The following TRIM2 variants were observed in gnomAD, a reference collection of about 807,000 sequenced individuals.
TRIM2 encodes tripartite motif-containing protein 2.
In TRIM2, 20 loss-of-function variants were observed where a neutral mutation model predicts 75.2. That is an observed-to-expected ratio of 0.27 (90% CI 0.19 to 0.39). The LOEUF (loss-of-function observed/expected upper bound fraction) is 0.39, where lower values mean the gene tolerates loss of function less well. TRIM2 is among the 10% of genes least tolerant of loss of function. The pLI, the probability that TRIM2 is intolerant of heterozygous loss-of-function variation, is 1.00. For missense variants in TRIM2, 660 were observed against 990.8 expected, an observed-to-expected ratio of 0.67 and a Z score of 4.48; for synonymous variants, 373 against 388.3, an observed-to-expected ratio of 0.96 and a Z score of 0.46.
chr4:153,305,732 A>G (rs1579534242), intron 6 of TRIM2, among the ~76,000 whole-genome samples: 1 of 152,270 alleles, frequency 6.6e-6, no homozygotes, highest in South Asian at 2.1e-4. Flanking sequence ...TGATCTATTC[A>G]TGAGGGCTCT....
At chr4:153,328,392 T>G in intron 10 of TRIM2, 138 bp from the exon 11 acceptor site, 1 of 754,638 alleles carries the variant, frequency 1.3e-6, no homozygotes. Context: ...TCTTGTAGAT[T>G]TCATTTTCTT....
intron 7 of TRIM2, 101 bp from the exon 8 acceptor site, chr4:153,315,731 C>A: frequency 1.3e-6 from 2 of 1,484,202 alleles, no homozygotes; most frequent in Non-Finnish European, 1.9e-6. Flanking sequence ...ATAGAGTTTG[C>A]GTGTTCTGAT....
At chr4:153,242,015 T>G (rs1746752526) in intron 1 of TRIM2, among the ~76,000 whole-genome samples, 1 of 152,176 alleles carries the variant, frequency 6.6e-6, no homozygotes, top group Admixed American at 6.5e-5. Context: ...AAAAATAGAA[T>G]GGGAATTCTA....
At chr4:153,217,526 A>C (rs756356206) in intron 1 of TRIM2, among the ~76,000 whole-genome samples, 12 of 152,166 alleles carry the variant, frequency 7.9e-5, no homozygotes, top group Non-Finnish European at 1.8e-4. Flanking sequence ...GCATAGGAGG[A>C]AGTTAAGTTC....
intron 8 of TRIM2, among the ~76,000 whole-genome samples, chr4:153,316,786 A>T (rs993350896): frequency 6.6e-6 from 1 of 150,810 alleles, no homozygotes; most frequent in African/African-American, 2.4e-5. Flanking sequence ...AAAGAATTGT[A>T]TCAGCCCGCC....
upstream of TRIM2, among the ~76,000 whole-genome samples, chr4:153,203,651 G>T (rs1216115120): frequency 1.3e-5 from 2 of 151,696 alleles, no homozygotes; most frequent in Non-Finnish European, 2.9e-5. Context: ...CAGCACTTTG[G>T]GAGGCCAAGG....
intron 1 of TRIM2, among the ~76,000 whole-genome samples, chr4:153,196,409 C>A (rs949949156): frequency 2.0e-5 from 3 of 152,064 alleles, no homozygotes; most frequent in Non-Finnish European, 4.4e-5. Context: ...TGTACTCCAG[C>A]CTGTGGGACA....
At position 153,207,228 on chromosome 4, in the gene TRIM2, T is replaced by G. The variant is rs1735717040; in HGVS notation, c.30+2668T>G. Reference sequence around the variant, plus strand: ...CTCTCTGTGCCCCAGTTCCCTTATCTGTAAAATTCGCTAAATTCCAGGAAG... The same window carrying G: ...CTCTCTGTGCCCCAGTTCCCTTATCGGTAAAATTCGCTAAATTCCAGGAAG... On this transcript the variant is annotated intron_variant, in intron 1 of 11. Transcript: ENST00000338700. 7.2e-5 allele frequency among the ~76,000 whole-genome samples: 11 copies of G among 152,308 alleles called. No homozygotes were observed. In the South Asian group the frequency reaches 2.1e-3, roughly 29 times the overall value.
intron 6 of TRIM2, among the ~76,000 whole-genome samples, chr4:153,297,888 C>T (rs766200576): frequency 1.4e-4 from 22 of 152,172 alleles, no homozygotes; most frequent in African/African-American, 4.3e-4. Context: ...TTGTAATATA[C>T]GTGGCATGTG....
At chr4:153,160,270 C>A (rs1171833021) in intron 1 of TRIM2, among the ~76,000 whole-genome samples, 1 of 152,150 alleles carries the variant, frequency 6.6e-6, no homozygotes, top group Admixed American at 6.5e-5. Context: ...TGTTATCTAA[C>A]ACTTTTCTAC....
chr4:153,193,711 A>G (rs901149612), intron 1 of TRIM2, among the ~76,000 whole-genome samples: 1 of 152,150 alleles, frequency 6.6e-6, no homozygotes, highest in African/African-American at 2.4e-5. Flanking sequence ...CTGCTCTCAA[A>G]CACTACCATG....
At chr4:153,204,590 C>T (rs752513254) in intron 1 of TRIM2, 30 bp downstream of exon 1, 2 of 1,551,578 alleles carry the variant, frequency 1.3e-6, no homozygotes, top group Non-Finnish European at 1.7e-6. Flanking sequence ...TGGGATAATT[C>T]TTTTTCTGGG....
At chr4:153,221,560 C>G (rs946134505) in intron 1 of TRIM2, among the ~76,000 whole-genome samples, 1 of 152,120 alleles carries the variant, frequency 6.6e-6, no homozygotes, top group South Asian at 2.1e-4. Context: ...AATTGTAGGT[C>G]GTCCCTCCCC....
chr4:153,335,424 T>C lies in TRIM2; in HGVS notation c.*458T>C, dbSNP rs1055008664. On this transcript the variant is annotated 3_prime_UTR_variant, in exon 12 of 12. Transcript: ENST00000338700. ...CCCAGGGAATCTTCTAACCTCACTT[T>C]TACAGTAGGTATTACTCTTGTGACA... The C allele has an allele frequency of 2.0e-6, 2 of 985,512 alleles. No individual in the cohort carries two copies. Among genetic ancestry groups the C allele is most frequent in the South Asian group, 4.7e-5 (1 of 21,296 alleles). The allele number at this position is 985,512 out of a possible 1,614,324, so 61.0% of individuals were successfully genotyped here.
rs529036150 is a variant in TRIM2 at position 153,315,337 on chromosome 4, A to T, written c.1511-148A>T. ...GGTTTAATAGCATATGGATTAGGTT[A>T]TTGGGGAGGGAGGGTGCCCTTTTTT... On this transcript the variant is annotated intron_variant, in intron 6 of 11. Coordinates refer to ENST00000338700, the MANE Select transcript of TRIM2 (RefSeq NM_015271.5). 1.4e-4 allele frequency: 82 copies of T among 575,938 alleles called. 2 individuals carry two copies. In the South Asian group the frequency reaches 2.1e-3, roughly 15 times the overall value. 35.7% of individuals were successfully genotyped at this position (575,938 alleles called of 1,614,324 possible).
At chr4:153,303,154 T>C (rs184860043) in intron 6 of TRIM2, among the ~76,000 whole-genome samples, 3 of 152,312 alleles carry the variant, frequency 2.0e-5, no homozygotes, top group Admixed American at 6.5e-5. Flanking sequence ...CAGTAGAGTT[T>C]ATGTTATCAT....
intron 1 of TRIM2, among the ~76,000 whole-genome samples, chr4:153,249,414 G>A (rs1366576716): frequency 6.6e-6 from 1 of 152,274 alleles, no homozygotes; most frequent in Non-Finnish European, 1.5e-5. Context: ...CCCCAGGTCG[G>A]TGGTTATGAC....
At chr4:153,232,776 A>G (rs1473371184) in intron 1 of TRIM2, among the ~76,000 whole-genome samples, 2 of 152,230 alleles carry the variant, frequency 1.3e-5, no homozygotes, top group African/African-American at 4.8e-5. Context: ...GAACATTCCC[A>G]TGTCTCCTTT....
At chr4:153,287,074 G>T (rs1362899700) in intron 3 of TRIM2, among the ~76,000 whole-genome samples, 1 of 151,820 alleles carries the variant, frequency 6.6e-6, no homozygotes, top group South Asian at 2.1e-4. Flanking sequence ...ATAATCTTGG[G>T]TTCAATTGAT....
Sources: allele counts gnomAD v4.1 joint callset (sites outside exome capture counted in the v4.1 genomes callset), GRCh38; gene constraint gnomAD v4.1.1; transcripts MANE v1.5; gene names NCBI Gene and HGNC (gene_info 2026-07-23, HGNC 2026-07-21).